Variants in RPAP1 observed in about 807,000 individuals in gnomAD.
RPAP1 encodes the protein RNA polymerase II-associated protein 1.
A neutral mutation model predicts 142.4 loss-of-function variants in RPAP1; 109 were observed. That is an observed-to-expected ratio of 0.77 (90% CI 0.66 to 0.90). The LOEUF is 0.90. Among genes scored for constraint, RPAP1 ranks in the 40% least tolerant of loss-of-function variants. The probability of loss-of-function intolerance (pLI) is 0.00; values close to 1 mark genes in which losing one functional copy is unlikely to be tolerated. For missense variants in RPAP1, 1,546 were observed against 1,751.7 expected, an observed-to-expected ratio of 0.88 and a Z score of 2.10; for synonymous variants, 704 against 738.9, an observed-to-expected ratio of 0.95 and a Z score of 0.77.
At chr15:41,521,477 C>CGGATGGCTA (rs575583854) in intron 21 of RPAP1, among the ~76,000 whole-genome samples, 1,722 of 152,338 alleles carry the variant, frequency 0.011, 14 homozygotes, top group Non-Finnish European at 0.018. Flanking sequence ...CACTCAGTAG[C>CGGATGGCTA]GGATGGCTAT....
intron 1 of RPAP1, among the ~76,000 whole-genome samples, chr15:41,541,367 G>A (rs910693462): frequency 4.0e-5 from 6 of 149,666 alleles, no homozygotes; most frequent in African/African-American, 1.2e-4. Flanking sequence ...AGGTTGCAGT[G>A]AGCCAAGATT....
rs775317637 is a variant in RPAP1 at position 41,531,173 on chromosome 15, G to A, written c.793C>T (p.His265Tyr). 6.2e-7 allele frequency: 1 copy of A among 1,612,862 alleles called. No homozygotes were observed. The highest frequency in any genetic ancestry group is 8.5e-7 in the Non-Finnish European group (1 of 1,179,018). The change falls in exon 7 of 25, where the codon CAC (histidine) becomes TAC (tyrosine). Residue 265 changes from histidine (H) to tyrosine (Y), a missense_variant. By Grantham distance (83) the His-to-Tyr change is moderately conservative. Coordinates refer to ENST00000304330, the MANE Select transcript of RPAP1 (RefSeq NM_015540.4). ...DPSLVAFLRS[H>Y]SHTQEQTGET... ...CCTGTTTGCTCTTGCGTGTGGCTGT[G>A]AGATCTCAAGAAAGCAACCAAGCTG...
intron 1 of RPAP1, among the ~76,000 whole-genome samples, chr15:41,539,286 T>G (rs183363430): frequency 2.7e-5 from 4 of 148,668 alleles, no homozygotes; most frequent in Admixed American, 6.6e-5. Flanking sequence ...TTTGTTTTTT[T>G]TTTTGTTTTT....
rs200468439 is a variant in RPAP1 at position 41,523,736 on chromosome 15, G to A, written c.2436+35C>T. 152 of 1,545,912 alleles carry A rather than the reference G, an allele frequency of 9.8e-5. 1 individual carries two copies. In the Admixed American group the frequency reaches 1.5e-3, roughly 15 times the overall value. On this transcript the variant is annotated intron_variant, in intron 17 of 24. Coordinates refer to ENST00000304330, the MANE Select transcript of RPAP1 (RefSeq NM_015540.4). ...TGGAATGTAGCTGAAGGCAGGGTGC[G>A]GGGGCCTGGTGGACAGCCGGCAGGA...
Position 41,527,192 on chromosome 15 carries a change from C to T in RPAP1, c.1721G>A (p.Arg574Gln), listed in dbSNP as rs1024839639. The part of the protein sequence containing the change: ...DILAVLIRLA[R>Q]HSLESATRVL... Reference sequence around the variant, plus strand: ...CCTTGTGGCTGATTCCAGGGAATGCCGGGCCAGGCGGATGAGCACAGCCAG... The same window carrying T: ...CCTTGTGGCTGATTCCAGGGAATGCTGGGCCAGGCGGATGAGCACAGCCAG... Residue 574 changes from arginine to glutamine, a missense_variant, in exon 13 of 25, where the codon CGG (arginine) becomes CAG (glutamine). By Grantham distance (43) the Arg-to-Gln change is conservative. This residue lies in a region of RPAP1 where 1,333 missense variants were observed against 1,486.6 expected (regional missense o/e 0.90). Transcript: ENST00000304330. 3.1e-6 allele frequency: 5 copies of T among 1,614,168 alleles called. No individual in the cohort carries two copies. Among genetic ancestry groups the T allele is most frequent in the East Asian group, 2.2e-5 (1 of 44,882 alleles).
In RPAP1 at chr15:41,534,731, C is replaced by T. The variant is rs544022361; in HGVS notation, c.746G>A (p.Arg249Gln). ...APEEILQEQQ[R>Q]LLAQLDPSLV... ...ACCCATACCAAGCTGGGCCAGCAAC[C>T]GCTGCTGTTCCTGCAGGATCTCCTC... Residue 249 changes from arginine to glutamine, a missense_variant, in exon 6 of 25, where the codon CGG (arginine) becomes CAG (glutamine). Around this residue, in one of 3 missense-constraint regions of RPAP1, gnomAD observed 1,333 missense variants for 1,486.6 expected, o/e 0.90. Coordinates refer to ENST00000304330, the MANE Select transcript of RPAP1 (RefSeq NM_015540.4). 1.1e-5 allele frequency: 18 copies of T among 1,613,916 alleles called. No homozygotes were observed. The highest frequency in any genetic ancestry group is 2.7e-5 in the African/African-American group (2 of 75,044).
intron 22 of RPAP1, 30 bp downstream of exon 22, chr15:41,520,361 C>T (rs750352474): frequency 4.3e-6 from 7 of 1,611,906 alleles, no homozygotes; most frequent in African/African-American, 2.7e-5. Flanking sequence ...GCAGGGTACC[C>T]TTGCAGGTCC....
intron 21 of RPAP1, 63 bp from the exon 22 acceptor site, chr15:41,521,210 G>C: frequency 6.7e-7 from 1 of 1,481,832 alleles, no homozygotes; most frequent in Non-Finnish European, 9.0e-7. Context: ...GGCTGTGCCA[G>C]CTCTTTGGAA....
intron 15 of RPAP1, 88 bp downstream of exon 15, chr15:41,524,903 G>A: frequency 7.3e-7 from 1 of 1,375,556 alleles, no homozygotes; most frequent in Non-Finnish European, 1.0e-6. Context: ...CCAAGCTTGG[G>A]ACCTTGAGCA....
chr15:41,527,159 T>C lies in RPAP1; in HGVS notation c.1746+8A>G. On this transcript the variant is annotated splice_region_variant and intron_variant, in intron 13 of 24. Transcript: ENST00000304330. ...TTTTTGCCCATTCCCTGCTCCCTTT[T>C]TTCTCACCCTTGTGGCTGATTCCAG... 1 of 1,614,160 alleles carries C rather than the reference T, an allele frequency of 6.2e-7. No homozygotes were observed. The highest frequency in any genetic ancestry group is 8.5e-7 in the Non-Finnish European group (1 of 1,179,996).
chr15:41,541,343 A>G (rs1241437518), intron 1 of RPAP1, among the ~76,000 whole-genome samples: 1 of 151,760 alleles, frequency 6.6e-6, no homozygotes, highest in Non-Finnish European at 1.5e-5. Flanking sequence ...GAACGGTTTG[A>G]ACCCAGGAGG....
At chr15:41,534,960 C>T (rs376204686) in intron 5 of RPAP1, 25 bp from the exon 6 acceptor site, 3 of 1,607,570 alleles carry the variant, frequency 1.9e-6, no homozygotes, top group Non-Finnish European at 2.6e-6. Context: ...TGATCACATT[C>T]ATTGCTCTGT....
Position 41,521,107 on chromosome 15 carries a change from C to T in RPAP1, c.3079G>A (p.Asp1027Asn), listed in dbSNP as rs1389584759. Residue 1027 changes from aspartate to asparagine, a missense_variant, in exon 22 of 25, where the codon GAC (aspartate) becomes AAC (asparagine). Coordinates refer to ENST00000304330, the MANE Select transcript of RPAP1 (RefSeq NM_015540.4). ...CTGCTGCTTCCTAACGACAGCTGGTCAGAGAAGTCGGCTGCCTCTGGACCC... is the reference window on the plus strand; with the variant it reads ...CTGCTGCTTCCTAACGACAGCTGGTTAGAGAAGTCGGCTGCCTCTGGACCC... ...SGGPEAADFS[D>N]QLSLGSSRVP... 2 of 1,517,976 alleles carry T rather than the reference C, an allele frequency of 1.3e-6. No homozygotes were observed. Among genetic ancestry groups the T allele is most frequent in the East Asian group, 2.3e-5 (1 of 44,000 alleles). 94.0% of individuals were successfully genotyped at this position (1,517,976 alleles called of 1,614,324 possible).
At position 41,531,053 on chromosome 15, in the gene RPAP1, T is replaced by TC; in HGVS notation, c.912dup (p.Lys305GlufsTer65). 1 of 1,613,680 alleles carries TC rather than the reference T, an allele frequency of 6.2e-7. No homozygotes were observed. The highest frequency in any genetic ancestry group is 8.5e-7 in the Non-Finnish European group (1 of 1,179,708). On this transcript the variant is annotated frameshift_variant, in exon 7 of 25. Coordinates refer to ENST00000304330, the MANE Select transcript of RPAP1 (RefSeq NM_015540.4). LOFTEE classifies it high-confidence loss of function. ...GCTTCTGGCTCCAGCTTGTCTCTCTTCCTGGGCTCACTGGCAAAAGCTGAC... is the reference window on the plus strand; with the variant it reads ...GCTTCTGGCTCCAGCTTGTCTCTCTTCCCTGGGCTCACTGGCAAAAGCTGAC...
At chr15:41,539,197 C>T (rs959990883) in intron 1 of RPAP1, among the ~76,000 whole-genome samples, 21 of 152,188 alleles carry the variant, frequency 1.4e-4, no homozygotes, top group African/African-American at 4.3e-4. Flanking sequence ...CAACCTCTAC[C>T]TCCTGGGCTT....
chr15:41,536,437 C>A, intron 3 of RPAP1, 64 bp downstream of exon 3: 1 of 1,589,632 alleles, frequency 6.3e-7, no homozygotes, highest in South Asian at 1.1e-5. Context: ...CTCACCCACC[C>A]CGAGCATCCA....
intron 1 of RPAP1, chr15:41,543,970 C>T (rs1456533695): frequency 6.6e-6 from 1 of 152,250 alleles, no homozygotes; most frequent in Non-Finnish European, 1.5e-5. Context: ...CGTGACTGCC[C>T]TTACCGCTCA....
intron 19 of RPAP1, 22 bp downstream of exon 19, chr15:41,522,743 T>G (rs2051741697): frequency 3.9e-6 from 5 of 1,271,226 alleles, no homozygotes; most frequent in African/African-American, 1.7e-5. Context: ...GCCTGGCCCC[T>G]AATCAGGCAC....
At position 41,523,821 on chromosome 15, in the gene RPAP1, C is replaced by T. The variant is rs769870268; in HGVS notation, c.2386G>A (p.Val796Ile). 4.2e-5 allele frequency: 68 copies of T among 1,609,246 alleles called. No homozygotes were observed. In the Admixed American group the frequency reaches 6.6e-4, roughly 16 times the overall value. ...GCTCCCAGGAACAACAGGCAGGCAA[C>T]GGGCACTGGGCCCACGGCTCTCCAC... The part of the protein sequence containing the change: ...EMWRAVGPVP[V>I]ACLLFLGAYY... Residue 796 changes from valine to isoleucine, a missense_variant, in exon 17 of 25, where the codon GTT (valine) becomes ATT (isoleucine). Physicochemically the swap from Val to Ile is conservative, Grantham distance 29 (BLOSUM62 3). Transcript: ENST00000304330.
Sources: gnomAD v4.1 joint callset for allele counts (sites outside exome capture counted in the v4.1 genomes callset) on GRCh38, gnomAD v4.1.1 for gene constraint, gnomAD v4.1.1 regional missense constraint, MANE v1.5 for transcripts, NCBI Gene and HGNC (gene_info 2026-07-23, HGNC 2026-07-21) for gene names.